CDH13: variants seen among roughly 807,000 people sequenced by gnomAD.
CDH13 encodes the protein cadherin 13.
A neutral mutation model predicts 63.8 loss-of-function variants in CDH13; 24 were observed. That is an observed-to-expected ratio of 0.38 (90% CI 0.27 to 0.53). The LOEUF is 0.53. CDH13 is among the 20% of genes least tolerant of loss of function. The probability of loss-of-function intolerance (pLI) is 0.85; values close to 1 mark genes in which losing one functional copy is unlikely to be tolerated. For synonymous variants in CDH13, 503 were observed against 355.3 expected (o/e 1.42, Z -4.67); for missense variants, 1,049 against 903.1 (o/e 1.16, Z -2.07).
intron 7 of CDH13, among the ~76,000 whole-genome samples, chr16:83,536,079 AC>A (rs1327274203): frequency 6.6e-6 from 1 of 152,146 alleles, no homozygotes; most frequent in Non-Finnish European, 1.5e-5. Context: ...TTGCATGAAC[AC>A]CCAGGAAATG....
chr16:82,904,031 A>G lies in CDH13; in HGVS notation c.157+45558A>G, dbSNP rs1286611761. The stretch of plus-strand genomic sequence containing the variant: ...TCTCTTCCAAACTGCTTTTTTTTCT[A>G]TTAAAATTATAACCCGTTATTAAAA... On this transcript the variant is annotated intron_variant, in intron 2 of 13. Transcript: ENST00000567109. Among the ~76,000 whole-genome samples the G allele has an allele frequency of 2.0e-5, 3 of 152,002 alleles. No individual in the cohort carries two copies. The East Asian group carries it at 5.8e-4, about 29-fold the overall frequency.
intron 2 of CDH13, among the ~76,000 whole-genome samples, chr16:83,005,077 C>T (rs7199805): frequency 2.0e-5 from 3 of 152,064 alleles, no homozygotes; most frequent in Admixed American, 1.3e-4. Flanking sequence ...GGCTATGGCC[C>T]GCTGCAATGG....
At chr16:83,067,499 G>T (rs2151535454) in intron 3 of CDH13, among the ~76,000 whole-genome samples, 1 of 152,262 alleles carries the variant, frequency 6.6e-6, no homozygotes, top group Admixed American at 6.5e-5. Context: ...GAAATGATAG[G>T]AAACAAACGT....
At chr16:82,980,130 G>A (rs955473941) in intron 2 of CDH13, among the ~76,000 whole-genome samples, 19 of 152,182 alleles carry the variant, frequency 1.2e-4, no homozygotes, top group African/African-American at 3.6e-4. Context: ...GAGGAGAGGA[G>A]GGAGCCCTCT....
intron 3 of CDH13, among the ~76,000 whole-genome samples, chr16:83,065,326 G>T (rs547777940): frequency 1.3e-3 from 195 of 152,296 alleles, no homozygotes; most frequent in African/African-American, 4.4e-3. Flanking sequence ...GAGTTGATCA[G>T]CTATGTTGAA....
intron 7 of CDH13, among the ~76,000 whole-genome samples, chr16:83,567,270 G>A (rs1049788174): frequency 4.6e-5 from 7 of 152,170 alleles, no homozygotes; most frequent in African/African-American, 1.7e-4. Flanking sequence ...TGAGTCTGTA[G>A]AAGAAAAGGC....
intron 7 of CDH13, among the ~76,000 whole-genome samples, chr16:83,575,084 G>A (rs998451326): frequency 6.6e-6 from 1 of 152,204 alleles, no homozygotes; most frequent in East Asian, 1.9e-4. Context: ...GAAGCACTGT[G>A]AGATGACGTA....
chr16:82,768,829 G>C lies in CDH13; in HGVS notation c.46-89533G>C, dbSNP rs541514247. Among the ~76,000 whole-genome samples, 5 of 152,304 alleles carry C rather than the reference G, an allele frequency of 3.3e-5. No individual in the cohort carries two copies. In the South Asian group the frequency reaches 1.0e-3, roughly 32 times the overall value. On this transcript the variant is annotated intron_variant, in intron 1 of 13. Transcript: ENST00000567109. ...TTAATACTTACTCTGATTCAGCCTA[G>C]CAAAGAAGATCAGAAGCAATTCTGT...
intron 1 of CDH13, among the ~76,000 whole-genome samples, chr16:82,808,636 A>G (rs928040748): frequency 2.0e-5 from 3 of 152,186 alleles, no homozygotes; most frequent in African/African-American, 4.8e-5. Flanking sequence ...TGATGTTGGA[A>G]AAGTTTCAAA....
At chr16:83,513,599 A>C (rs751631111) in intron 7 of CDH13, among the ~76,000 whole-genome samples, 4 of 152,174 alleles carry the variant, frequency 2.6e-5, no homozygotes, top group Non-Finnish European at 5.9e-5. Flanking sequence ...GGGTGGCAGC[A>C]AGGAGAAGTG....
intron 5 of CDH13, among the ~76,000 whole-genome samples, chr16:83,248,994 C>G (rs750603513): frequency 2.0e-5 from 3 of 152,192 alleles, no homozygotes; most frequent in Non-Finnish European, 4.4e-5. Flanking sequence ...GAGTGCATAA[C>G]CTTTCACTCT....
intron 5 of CDH13, among the ~76,000 whole-genome samples, chr16:83,324,710 G>A (rs995371173): frequency 2.0e-5 from 3 of 152,198 alleles, no homozygotes; most frequent in Non-Finnish European, 2.9e-5. Flanking sequence ...TTTAAAATGC[G>A]TAAGTGTTTT....
chr16:83,302,396 C>T (rs145924510), intron 5 of CDH13, among the ~76,000 whole-genome samples: 2 of 152,174 alleles, frequency 1.3e-5, no homozygotes, highest in East Asian at 3.8e-4. Context: ...AGAATAGCAG[C>T]TCTGTAAATA....
chr16:83,088,543 C>G lies in CDH13; in HGVS notation c.367-36842C>G, dbSNP rs146804118. Among the ~76,000 whole-genome samples the G allele has an allele frequency of 1.5e-3, 236 of 152,304 alleles. 1 individual carries two copies. Among genetic ancestry groups the G allele is most frequent in the African/African-American group, 5.3e-3 (221 of 41,570 alleles). On this transcript the variant is annotated intron_variant, in intron 3 of 13. Transcript: ENST00000567109. The stretch of plus-strand genomic sequence containing the variant: ...GTCCAAAAGCCGTTTCTGATACAGC[C>G]TTGGGCAAGCTGGTTCCTTCTCTGA...
At chr16:83,279,449 A>T (rs1461804748) in intron 5 of CDH13, among the ~76,000 whole-genome samples, 8 of 152,156 alleles carry the variant, frequency 5.3e-5, no homozygotes, top group African/African-American at 9.7e-5. Context: ...GCTGCAATGC[A>T]AGTGTCAGAG....
intron 3 of CDH13, among the ~76,000 whole-genome samples, chr16:83,036,683 C>T (rs1313520048): frequency 2.0e-5 from 3 of 152,156 alleles, no homozygotes; most frequent in Non-Finnish European, 4.4e-5. Flanking sequence ...TGATATCTGG[C>T]TCCCACTCTG....
At chr16:83,653,480 C>G (rs372923704) in intron 8 of CDH13, among the ~76,000 whole-genome samples, 2 of 150,972 alleles carry the variant, frequency 1.3e-5, no homozygotes, top group Non-Finnish European at 2.9e-5. Context: ...GAAATCAAAC[C>G]AGATTGAGGA....
At chr16:83,045,080 A>C (rs1220551997) in intron 3 of CDH13, among the ~76,000 whole-genome samples, 1 of 152,210 alleles carries the variant, frequency 6.6e-6, no homozygotes, top group East Asian at 1.9e-4. Context: ...AGAGATTCAC[A>C]TGGAGATACT....
At chr16:83,564,221 G>T (rs11645931) in intron 7 of CDH13, among the ~76,000 whole-genome samples, 31,122 of 151,840 alleles carry the variant, frequency 0.2, 4,022 homozygotes, top group Middle Eastern at 0.3. Context: ...ATGAAAATTG[G>T]ACCGAGTCTG....
Sources: allele counts gnomAD v4.1 joint callset (sites outside exome capture counted in the v4.1 genomes callset), GRCh38; gene constraint gnomAD v4.1.1; transcripts MANE v1.5; gene names NCBI Gene and HGNC (gene_info 2026-07-23, HGNC 2026-07-21).